The following SAMD5 variants were observed in gnomAD, a reference collection of about 807,000 sequenced individuals.
SAMD5 encodes sterile alpha motif domain containing 5.
SAMD5 carries 13 observed loss-of-function variants against 11.3 expected under a neutral mutation model. That is an observed-to-expected ratio of 1.15 (90% CI 0.75 to 1.83). The LOEUF is 1.83. Ranked by LOEUF, SAMD5 falls within the 40% of genes most tolerant of loss-of-function variation. The pLI, the probability that SAMD5 is intolerant of heterozygous loss-of-function variation, is 0.00. For synonymous variants in SAMD5, 129 were observed against 111.3 expected (o/e 1.16, Z -1.00); for missense variants, 255 against 239.1 (o/e 1.07, Z -0.44).
chr6:147,680,146 A>C (rs1464431421), intron 1 of SAMD5, among the ~76,000 whole-genome samples: 1 of 148,974 alleles, frequency 6.7e-6, no homozygotes. Flanking sequence ...GAAAGAATTA[A>C]TGACAATGAT....
the SAMD5 span, among the ~76,000 whole-genome samples, chr6:147,840,297 T>C: frequency 2.2e-4 from 34 of 152,374 alleles, no homozygotes; most frequent in South Asian, 6.6e-3. Flanking sequence ...AAATGTTTAC[T>C]GTGTACAAGG....
intron 1 of SAMD5, among the ~76,000 whole-genome samples, chr6:147,674,452 C>T (rs1790836179): frequency 6.6e-6 from 1 of 152,194 alleles, no homozygotes; most frequent in Admixed American, 6.5e-5. Flanking sequence ...CCCTTGCACG[C>T]ACCCAACTCA....
chr6:147,602,570 C>A (rs1455535535), intron 1 of SAMD5, among the ~76,000 whole-genome samples: 2 of 152,134 alleles, frequency 1.3e-5, no homozygotes, highest in Non-Finnish European at 2.9e-5. Flanking sequence ...ATGGCAAAAC[C>A]CCGTTTCTAC....
At chr6:147,866,315 T>C in the SAMD5 span, among the ~76,000 whole-genome samples, 13 of 152,196 alleles carry the variant, frequency 8.5e-5, no homozygotes, top group Non-Finnish European at 1.6e-4. Flanking sequence ...CTTCATTACA[T>C]GGGAAGGATA....
At chr6:147,881,856 TTCGA>T in the SAMD5 span, among the ~76,000 whole-genome samples, 1 of 152,174 alleles carries the variant, frequency 6.6e-6, no homozygotes, top group Admixed American at 6.5e-5. Flanking sequence ...TGCCCTTGGC[TTCGA>T]TCTGGGGGGA....
chr6:147,735,884 A>G (rs1791792193), intron 1 of SAMD5, among the ~76,000 whole-genome samples: 1 of 152,182 alleles, frequency 6.6e-6, no homozygotes, highest in Admixed American at 6.5e-5. Context: ...CTGGATTTAG[A>G]CAGGCTTGGC....
At chr6:147,675,150 T>C (rs1418178853) in intron 1 of SAMD5, among the ~76,000 whole-genome samples, 1 of 152,210 alleles carries the variant, frequency 6.6e-6, no homozygotes, top group Non-Finnish European at 1.5e-5. Flanking sequence ...AAAACCAGAA[T>C]GTTCATACAA....
chr6:147,713,187 C>A, intron 1 of SAMD5, among the ~76,000 whole-genome samples: 1 of 152,184 alleles, frequency 6.6e-6, no homozygotes, highest in East Asian at 1.9e-4. Context: ...TTTTAGAGAA[C>A]TCACAAGCTT....
intron 1 of SAMD5, among the ~76,000 whole-genome samples, chr6:147,587,162 T>C (rs1051987290): frequency 6.6e-6 from 1 of 152,182 alleles, no homozygotes; most frequent in African/African-American, 2.4e-5. Context: ...GTCTTTCTCA[T>C]CACTATATTC....
the SAMD5 span, among the ~76,000 whole-genome samples, chr6:147,873,248 A>C: frequency 6.6e-6 from 1 of 151,896 alleles, no homozygotes; most frequent in Non-Finnish European, 1.5e-5. Context: ...GTGGTGGTGC[A>C]CGCCTGTAGT....
chr6:147,546,090 C>T (rs1185989905), intron 1 of SAMD5, among the ~76,000 whole-genome samples: 2 of 152,194 alleles, frequency 1.3e-5, no homozygotes, highest in Non-Finnish European at 2.9e-5. Flanking sequence ...ATGCTTATTT[C>T]TGGCTCCTGC....
At chr6:147,946,115 T>C in the SAMD5 span, among the ~76,000 whole-genome samples, 5 of 152,190 alleles carry the variant, frequency 3.3e-5, no homozygotes, top group Admixed American at 3.3e-4. Flanking sequence ...ACTCATATCA[T>C]ATACAACCTG....
At chr6:147,577,635 T>C (rs571178249) in intron 1 of SAMD5, among the ~76,000 whole-genome samples, 4 of 152,296 alleles carry the variant, frequency 2.6e-5, no homozygotes, top group Admixed American at 2.6e-4. Flanking sequence ...TAAGTAAATA[T>C]ATTTTCTAAA....
the SAMD5 span, among the ~76,000 whole-genome samples, chr6:147,849,888 A>T: frequency 6.6e-6 from 1 of 152,198 alleles, no homozygotes; most frequent in Non-Finnish European, 1.5e-5. Context: ...GCTGTATTCA[A>T]TTTTTAGTTG....
intron 1 of SAMD5, among the ~76,000 whole-genome samples, chr6:147,611,532 C>T (rs1435927960): frequency 6.6e-6 from 1 of 152,102 alleles, no homozygotes; most frequent in Non-Finnish European, 1.5e-5. Flanking sequence ...CACTGTACTC[C>T]AGCCTGGGTG....
chr6:147,753,333 G>A, the SAMD5 span, among the ~76,000 whole-genome samples: 3 of 152,018 alleles, frequency 2.0e-5, no homozygotes, highest in Non-Finnish European at 2.9e-5. Context: ...ACACACAGAC[G>A]CCCCTACTCA....
intron 1 of SAMD5, among the ~76,000 whole-genome samples, chr6:147,690,857 T>C (rs2128457034): frequency 6.6e-6 from 1 of 152,192 alleles, no homozygotes; most frequent in South Asian, 2.1e-4. Context: ...ACCATCTGAC[T>C]CAAATAATAA....
At chr6:147,607,796 TA>T (rs1205699339) in intron 1 of SAMD5, among the ~76,000 whole-genome samples, 1 of 152,106 alleles carries the variant, frequency 6.6e-6, no homozygotes, top group African/African-American at 2.4e-5. Context: ...CACATCAAGT[TA>T]AAAAGCTTCT....
chr6:147,911,430 C>G, the SAMD5 span, among the ~76,000 whole-genome samples: 2,329 of 152,262 alleles, frequency 0.015, 30 homozygotes, highest in Middle Eastern at 0.092. Context: ...GCTCCTCTTC[C>G]TCCTTTATAC....
Sources: allele counts gnomAD v4.1 joint callset (sites outside exome capture counted in the v4.1 genomes callset), GRCh38; gene constraint gnomAD v4.1.1; transcripts MANE v1.5; gene names NCBI Gene and HGNC (gene_info 2026-07-23, HGNC 2026-07-21).